UPF2: variants seen among roughly 807,000 people sequenced by gnomAD.
UPF2 encodes the protein regulator of nonsense transcripts 2.
Under a neutral mutation model 141.4 loss-of-function variants are expected in UPF2, and 17 were observed. The observed-to-expected ratio is 0.12, with a 90% confidence interval of 0.08 to 0.18. The LOEUF (loss-of-function observed/expected upper bound fraction) is 0.18, where lower values mean the gene tolerates loss of function less well. Ranked by LOEUF, UPF2 falls within the 10% of genes least tolerant of loss-of-function variation. UPF2 has a pLI of 1.00. For missense variants in UPF2, 1,152 were observed against 1,515.9 expected (o/e 0.76, Z 3.99); for synonymous variants, 540 against 498.0 (o/e 1.08, Z -1.12).
intron 18 of UPF2, among the ~76,000 whole-genome samples, chr10:11,938,860 T>TG (rs1564337810): frequency 3.8e-4 from 27 of 71,352 alleles, no homozygotes; most frequent in Admixed American, 1.2e-3. Context: ...TTTGTTTTTT[T>TG]TTTTTTTTTT....
intron 21 of UPF2, among the ~76,000 whole-genome samples, chr10:11,925,258 C>T (rs570653547): frequency 3.9e-5 from 6 of 152,316 alleles, no homozygotes; most frequent in Admixed American, 2.6e-4. Flanking sequence ...ATTCGTGATA[C>T]TTTACAGAGT....
chr10:11,964,297 A>G (rs995137473), intron 10 of UPF2, among the ~76,000 whole-genome samples, 172 bp from the exon 11 acceptor site: 1 of 152,198 alleles, frequency 6.6e-6, no homozygotes, highest in Non-Finnish European at 1.5e-5. Context: ...TTTTTATTGA[A>G]AAACTTCAAT....
intron 4 of UPF2, among the ~76,000 whole-genome samples, chr10:12,012,031 A>G (rs921725868): frequency 6.6e-6 from 1 of 152,068 alleles, no homozygotes; most frequent in Non-Finnish European, 1.5e-5. Context: ...AATTAGAGAA[A>G]AGGGGTAAAG....
rs1037668749 is a variant in UPF2 at position 11,952,497 on chromosome 10, T to TG, written c.2851-249dup. 5.3e-5 allele frequency among the ~76,000 whole-genome samples: 7 copies of TG among 133,218 alleles called. 1 individual carries two copies. The highest frequency in any genetic ancestry group is 1.7e-4 in the African/African-American group (6 of 35,014). The allele number at this position is 133,218 out of a possible 152,430, so 87.4% of individuals were successfully genotyped here. Reference sequence around the variant, plus strand: ...TTTTTTTTTTTTTTTTTTTTTGAGATGGAGTCTCGCTCTGTCACCCAGTCT... The same window carrying TG: ...TTTTTTTTTTTTTTTTTTTTTGAGATGGGAGTCTCGCTCTGTCACCCAGTCT... On this transcript the variant is annotated intron_variant, in intron 14 of 21. Transcript: ENST00000357604.
chr10:11,951,280 C>T (rs1045417452), intron 15 of UPF2, among the ~76,000 whole-genome samples: 1 of 152,128 alleles, frequency 6.6e-6, no homozygotes, highest in African/African-American at 2.4e-5. Context: ...CCAGGCTGGT[C>T]TCAAACTCCT....
chr10:12,038,505 G>A (rs566918501), intron 1 of UPF2, among the ~76,000 whole-genome samples: 1 of 151,978 alleles, frequency 6.6e-6, no homozygotes, highest in Non-Finnish European at 1.5e-5. Context: ...AAGGCAGGCA[G>A]ATCACTTGAG....
At chr10:11,941,766 A>G (rs1832939359) in intron 18 of UPF2, among the ~76,000 whole-genome samples, 1 of 152,234 alleles carries the variant, frequency 6.6e-6, no homozygotes, top group Non-Finnish European at 1.5e-5. Context: ...CCAAAGGGTT[A>G]ACAACAAGTA....
intron 8 of UPF2, among the ~76,000 whole-genome samples, chr10:11,987,954 C>T (rs1833720697): frequency 6.6e-6 from 1 of 151,936 alleles, no homozygotes; most frequent in African/African-American, 2.4e-5. Context: ...AATTATACTA[C>T]CAAGCAAGTG....
chr10:11,952,183 C>T lies in UPF2; in HGVS notation c.2917G>A (p.Asp973Asn). The T allele has an allele frequency of 6.2e-7, 1 of 1,613,814 alleles. No homozygotes were observed. The highest frequency in any genetic ancestry group is 8.5e-7 in the Non-Finnish European group (1 of 1,179,856). The change falls in exon 15 of 22, where the codon GAT becomes AAT. Residue 973 changes from aspartate (D) to asparagine (N), a missense_variant. By Grantham distance (23) the Asp-to-Asn change is conservative (BLOSUM62 1). Around this residue, in one of 4 missense-constraint regions of UPF2, gnomAD observed 739 missense variants for 1,032.2 expected, o/e 0.72. Coordinates refer to ENST00000357604, the MANE Select transcript of UPF2 (RefSeq NM_015542.4). ...TCTAGTGTATCACTGATCATGTAAT[C>T]TATATCAATAGGAAATGGATGGTCT... ...TKDHPFPIDIDYMISDTLELL... is the reference protein window; with the variant it reads ...TKDHPFPIDINYMISDTLELL...
chr10:11,972,597 T>C (rs1833438333), intron 9 of UPF2, among the ~76,000 whole-genome samples: 1 of 152,180 alleles, frequency 6.6e-6, no homozygotes, highest in South Asian at 2.1e-4. Context: ...GTGTTCTGAT[T>C]GTTTAATTCC....
At chr10:11,978,539 C>T (rs1833543189) in intron 9 of UPF2, among the ~76,000 whole-genome samples, 1 of 151,992 alleles carries the variant, frequency 6.6e-6, no homozygotes, top group African/African-American at 2.4e-5. Flanking sequence ...CTGTTATTTC[C>T]CAGGGTGATC....
intron 16 of UPF2, among the ~76,000 whole-genome samples, chr10:11,947,651 GT>G (rs1833018701): frequency 6.6e-6 from 1 of 151,884 alleles, no homozygotes; most frequent in African/African-American, 2.4e-5. Context: ...GCTGGGCATG[GT>G]AGCACGTCCA....
intron 8 of UPF2, among the ~76,000 whole-genome samples, chr10:11,983,945 C>T (rs886637965): frequency 2.0e-5 from 3 of 150,752 alleles, no homozygotes; most frequent in South Asian, 2.1e-4. Context: ...TTTTTTGAGA[C>T]GGAGTTTCGT....
At chr10:11,938,853 G>GTT (rs58106776) in intron 18 of UPF2, among the ~76,000 whole-genome samples, 2,414 of 79,692 alleles carry the variant, frequency 0.03, 571 homozygotes, top group Non-Finnish European at 0.043. Context: ...TTTTTTTTTT[G>GTT]TTTTTTTTTT....
intron 3 of UPF2, among the ~76,000 whole-genome samples, chr10:12,028,083 T>C (rs970906985): frequency 5.3e-5 from 8 of 152,184 alleles, no homozygotes; most frequent in African/African-American, 1.9e-4. Context: ...GTACAAATAC[T>C]ACACAGTAGT....
Position 11,955,550 on chromosome 10 carries a change from G to A in UPF2, c.2575-43C>T, listed in dbSNP as rs2131188806. Reference sequence around the variant, plus strand: ...CACAGATTTTCATTAAAGAGGAGTAGTGTATATGAAAACAGGTTAAACTTG... The same window carrying A: ...CACAGATTTTCATTAAAGAGGAGTAATGTATATGAAAACAGGTTAAACTTG... On this transcript the variant is annotated intron_variant, in intron 13 of 21. Coordinates refer to ENST00000357604, the MANE Select transcript of UPF2 (RefSeq NM_015542.4). 7 of 1,551,568 alleles carry A rather than the reference G, an allele frequency of 4.5e-6. No individual in the cohort carries two copies. The Middle Eastern group carries it at 5.8e-4, about 128-fold the overall frequency.
chr10:12,032,096 T>C (rs1047139810), intron 2 of UPF2, among the ~76,000 whole-genome samples: 8 of 151,944 alleles, frequency 5.3e-5, no homozygotes, highest in Admixed American at 2.6e-4. Context: ...GAGTTCGAGA[T>C]CAGCCTGACC....
intron 9 of UPF2, among the ~76,000 whole-genome samples, chr10:11,970,158 G>GGGGCA: frequency 6.6e-6 from 1 of 152,102 alleles, no homozygotes; most frequent in Non-Finnish European, 1.5e-5. Flanking sequence ...GGTAAAGTAA[G>GGGGCA]GATAATGATG....
chr10:11,965,490 G>T (rs919850577), intron 10 of UPF2, among the ~76,000 whole-genome samples: 3 of 151,982 alleles, frequency 2.0e-5, no homozygotes, highest in African/African-American at 7.3e-5. Context: ...GATGGAGGCT[G>T]GCTCTGTCAC....
Sources: allele counts gnomAD v4.1 joint callset (sites outside exome capture counted in the v4.1 genomes callset), GRCh38; gene constraint gnomAD v4.1.1; regional missense constraint gnomAD v4.1.1; transcripts MANE v1.5; gene names NCBI Gene and HGNC (gene_info 2026-07-23, HGNC 2026-07-21).